Variants in NTM observed in about 807,000 individuals in gnomAD.
NTM encodes the protein neurotrimin, also known as IgLON family member 2.
Under a neutral mutation model 42.1 loss-of-function variants are expected in NTM, and 13 were observed. That is an observed-to-expected ratio of 0.31 (90% CI 0.20 to 0.49). The LOEUF is 0.49. Among genes scored for constraint, NTM ranks in the 20% least tolerant of loss-of-function variants. The pLI is 0.99. For synonymous variants in NTM, 187 were observed against 179.2 expected (o/e 1.04, Z -0.35); for missense variants, 373 against 452.8 (o/e 0.82, Z 1.60).
chr11:132,145,267 T>A (rs557149348), intron 2 of NTM, among the ~76,000 whole-genome samples: 15 of 152,312 alleles, frequency 9.8e-5, no homozygotes, highest in East Asian at 9.6e-4. Context: ...CTCATAAATT[T>A]GTTGCAAAAC....
At chr11:132,311,759 T>C (rs2095287813) in intron 6 of NTM, among the ~76,000 whole-genome samples, 1 of 151,072 alleles carries the variant, frequency 6.6e-6, no homozygotes, top group East Asian at 1.9e-4. Context: ...TGGAGAAAAA[T>C]AGAAAAAATA....
At chr11:131,494,315 GA>G (rs1266879717) in intron 1 of NTM, among the ~76,000 whole-genome samples, 1 of 152,120 alleles carries the variant, frequency 6.6e-6, no homozygotes, top group Non-Finnish European at 1.5e-5. Context: ...GTTGTGGGAG[GA>G]GAGGGCTATT....
At position 131,599,358 on chromosome 11, in the gene NTM, G is replaced by C. The variant is rs1385524571; in HGVS notation, c.82+228470G>C. ...TGCCCTGTCTACCCAGTCTCCGGCAGATGCCCTGTCTACCCAGTCTCCGGC... is the reference window on the plus strand; with the variant it reads ...TGCCCTGTCTACCCAGTCTCCGGCACATGCCCTGTCTACCCAGTCTCCGGC... On this transcript the variant is annotated intron_variant, in intron 1 of 8. Transcript: ENST00000683400. Among the ~76,000 whole-genome samples the C allele has an allele frequency of 3.9e-5, 6 of 152,180 alleles. 2 individuals carry two copies. In the East Asian group the frequency reaches 9.7e-4, roughly 25 times the overall value.
intron 1 of NTM, among the ~76,000 whole-genome samples, chr11:131,798,037 T>C (rs2091762600): frequency 1.3e-5 from 2 of 152,154 alleles, no homozygotes; most frequent in South Asian, 4.1e-4. Context: ...CTAATGCCCT[T>C]TGGGGATATA....
intron 1 of NTM, among the ~76,000 whole-genome samples, chr11:131,448,407 C>A (rs1289560243): frequency 1.3e-5 from 2 of 152,228 alleles, no homozygotes; most frequent in Non-Finnish European, 2.9e-5. Context: ...ATGATGCAGG[C>A]TGGCAGGAGC....
At chr11:131,579,546 G>T (rs1295130521) in intron 1 of NTM, among the ~76,000 whole-genome samples, 1 of 152,156 alleles carries the variant, frequency 6.6e-6, no homozygotes, top group Non-Finnish European at 1.5e-5. Context: ...AAACAAAATA[G>T]AGCTTTTAAT....
chr11:131,975,507 T>C (rs2064192500), intron 2 of NTM, among the ~76,000 whole-genome samples: 1 of 152,020 alleles, frequency 6.6e-6, no homozygotes, highest in Non-Finnish European at 1.5e-5. Flanking sequence ...AAGCCTAGTC[T>C]TCTAGATTTA....
At chr11:132,138,582 CT>C (rs67462943) in intron 2 of NTM, among the ~76,000 whole-genome samples, 45 of 22,930 alleles carry the variant, frequency 2.0e-3, no homozygotes, top group Non-Finnish European at 2.5e-3. Flanking sequence ...ATCTATCTAT[CT>C]ATCTATCTAT....
chr11:131,416,875 G>A (rs7125824), intron 1 of NTM, among the ~76,000 whole-genome samples: 16,252 of 152,160 alleles, frequency 0.11, 998 homozygotes, highest in Middle Eastern at 0.16. Flanking sequence ...AAAAATAAAT[G>A]TTGTTCTCAT....
At chr11:131,722,493 A>T (rs1486805250) in intron 1 of NTM, among the ~76,000 whole-genome samples, 1 of 152,250 alleles carries the variant, frequency 6.6e-6, no homozygotes, top group Non-Finnish European at 1.5e-5. Context: ...TAATTCAGAA[A>T]CATGCAGAAC....
chr11:131,881,892 A>G (rs772015045), intron 1 of NTM, among the ~76,000 whole-genome samples: 1 of 152,206 alleles, frequency 6.6e-6, no homozygotes, highest in Non-Finnish European at 1.5e-5. Flanking sequence ...CACTTGCAGG[A>G]CAGAAGGTTG....
intron 2 of NTM, among the ~76,000 whole-genome samples, chr11:131,977,594 A>T (rs1362484784): frequency 6.6e-6 from 1 of 152,230 alleles, no homozygotes; most frequent in East Asian, 1.9e-4. Flanking sequence ...CTGAATGTAT[A>T]AAGCCACTTG....
At chr11:131,694,050 A>G (rs2075124317) in intron 1 of NTM, among the ~76,000 whole-genome samples, 5 of 152,066 alleles carry the variant, frequency 3.3e-5, no homozygotes, top group Admixed American at 3.3e-4. Context: ...CCTCTCCCCG[A>G]CTTTCGTTTT....
chr11:132,121,501 T>A (rs1478466575), intron 2 of NTM, among the ~76,000 whole-genome samples: 1 of 152,156 alleles, frequency 6.6e-6, no homozygotes, highest in Non-Finnish European at 1.5e-5. Context: ...GTAAAAAGAC[T>A]ATGAAGTACA....
intron 1 of NTM, among the ~76,000 whole-genome samples, chr11:131,899,872 A>T (rs2052875864): frequency 6.6e-6 from 1 of 152,148 alleles, no homozygotes; most frequent in Non-Finnish European, 1.5e-5. Flanking sequence ...CATCAATTTC[A>T]TGTTCCTCGT....
rs1185126807 is a variant in NTM, at chr11:132,214,287, TG to T, written c.526+2142del. 2.6e-5 allele frequency among the ~76,000 whole-genome samples: 4 copies of T among 152,304 alleles called. No individual in the cohort carries two copies. In the South Asian group the frequency reaches 8.3e-4, roughly 32 times the overall value. On this transcript the variant is annotated intron_variant, in intron 4 of 8. Transcript: ENST00000683400. ...ACAGCCTGATGTGAGTCCCCAGTGCTGGCGGATGCCAGCCCAGTCTGTGCCT... is the reference window on the plus strand; with the variant it reads ...ACAGCCTGATGTGAGTCCCCAGTGCTGCGGATGCCAGCCCAGTCTGTGCCT...
intron 1 of NTM, chr11:131,538,541 C>T (rs2052641687): frequency 6.6e-6 from 1 of 152,392 alleles, no homozygotes; most frequent in South Asian, 2.1e-4. Context: ...GGATTTACTT[C>T]CATCGGTTCA....
At chr11:131,719,855 A>T (rs2078131433) in intron 1 of NTM, among the ~76,000 whole-genome samples, 1 of 152,200 alleles carries the variant, frequency 6.6e-6, no homozygotes. Context: ...GAAACTCACA[A>T]GGGTGCAAGT....
chr11:131,874,911 TTTTTCTA>T (rs2048337562), intron 1 of NTM, among the ~76,000 whole-genome samples: 1 of 151,620 alleles, frequency 6.6e-6, no homozygotes, highest in Non-Finnish European at 1.5e-5. Flanking sequence ...TTGAAGAGAG[TTTTTCTA>T]TTAACTAACT....
Sources: allele counts gnomAD v4.1 joint callset (sites outside exome capture counted in the v4.1 genomes callset), GRCh38; gene constraint gnomAD v4.1.1; transcripts MANE v1.5; gene names NCBI Gene and HGNC (gene_info 2026-07-23, HGNC 2026-07-21).